The following ZNF827 variants were observed in gnomAD, a reference collection of about 807,000 sequenced individuals.
ZNF827 encodes zinc finger protein 827.
ZNF827 carries 13 observed loss-of-function variants against 102.4 expected under a neutral mutation model. The observed-to-expected ratio is 0.13, with a 90% CI of 0.08 to 0.20. The LOEUF (loss-of-function observed/expected upper bound fraction) is 0.20. Ranked by LOEUF, ZNF827 falls within the 10% of genes least tolerant of loss-of-function variation. The pLI is 1.00. For synonymous variants in ZNF827, 523 were observed against 536.2 expected, an observed-to-expected ratio of 0.98 and a Z score of 0.34; for missense variants, 1,103 against 1,344.4, an observed-to-expected ratio of 0.82 and a Z score of 2.81.
intron 9 of ZNF827, among the ~76,000 whole-genome samples, chr4:145,777,209 C>A (rs1014053334): frequency 6.6e-6 from 1 of 152,216 alleles, no homozygotes; most frequent in Non-Finnish European, 1.5e-5. Flanking sequence ...AGGAGCCCCA[C>A]TGTCCAGATA....
At chr4:145,832,051 C>T (rs1744264545) in intron 7 of ZNF827, 1 of 152,106 alleles carries the variant, frequency 6.6e-6, no homozygotes, top group Admixed American at 6.6e-5. Flanking sequence ...TCACTTGAGC[C>T]CAGGAATTCA....
chr4:145,775,752 G>A (rs1482085494), intron 10 of ZNF827, 37 bp downstream of exon 10: 7 of 1,611,760 alleles, frequency 4.3e-6, no homozygotes, highest in Non-Finnish European at 5.9e-6. Context: ...TCAAGAGTCT[G>A]AGAAAGGCGG....
chr4:145,870,710 A>AT, intron 4 of ZNF827: 1 of 439,572 alleles, frequency 2.3e-6, no homozygotes, highest in African/African-American at 1.9e-5. Context: ...ATATTTTAAG[A>AT]AGTGCTACCT....
intron 1 of ZNF827, among the ~76,000 whole-genome samples, chr4:145,910,332 T>C (rs1228761751): frequency 1.3e-5 from 2 of 152,188 alleles, no homozygotes; most frequent in Middle Eastern, 3.4e-3. Flanking sequence ...AGCCAGACCT[T>C]CCATGGCCGA....
At chr4:145,889,265 T>C (rs1025771157) in intron 3 of ZNF827, among the ~76,000 whole-genome samples, 2 of 152,242 alleles carry the variant, frequency 1.3e-5, no homozygotes, top group Non-Finnish European at 2.9e-5. Flanking sequence ...TTAATGTATA[T>C]TGAGATGGCT....
intron 1 of ZNF827, 96 bp downstream of exon 1, chr4:145,938,269 A>C: frequency 2.0e-6 from 3 of 1,473,320 alleles, no homozygotes; most frequent in Non-Finnish European, 2.9e-6. Context: ...GTAACCCTAA[A>C]CTAATGCAGA....
chr4:145,833,859 C>T (rs1482441078), intron 7 of ZNF827, among the ~76,000 whole-genome samples: 5 of 151,594 alleles, frequency 3.3e-5, no homozygotes, highest in African/African-American at 1.2e-4. Flanking sequence ...CATGCCCTGA[C>T]CTCTTATCTC....
intron 11 of ZNF827, among the ~76,000 whole-genome samples, chr4:145,767,475 A>G (rs1476195058): frequency 6.6e-6 from 1 of 152,180 alleles, no homozygotes; most frequent in East Asian, 1.9e-4. Flanking sequence ...AAAATTTTCC[A>G]AATTTGAGGA....
chr4:145,922,664 C>T (rs960299561), intron 1 of ZNF827, among the ~76,000 whole-genome samples: 4 of 152,188 alleles, frequency 2.6e-5, no homozygotes, highest in Admixed American at 6.5e-5. Flanking sequence ...CACCAAAGTA[C>T]GGTGGCTGTC....
chr4:145,848,514 T>C (rs144930921), intron 6 of ZNF827, among the ~76,000 whole-genome samples: 160 of 152,370 alleles, frequency 1.1e-3, no homozygotes, highest in African/African-American at 3.3e-3. Flanking sequence ...ACAGGCTTTA[T>C]TGATGGATAA....
intron 5 of ZNF827, among the ~76,000 whole-genome samples, chr4:145,864,291 T>G (rs1045055811): frequency 6.6e-6 from 1 of 151,564 alleles, no homozygotes; most frequent in Non-Finnish European, 1.5e-5. Context: ...TGGCCAGGCA[T>G]AGTAGCTCAC....
intron 1 of ZNF827, among the ~76,000 whole-genome samples, chr4:145,912,743 T>G (rs960012225): frequency 1.3e-5 from 2 of 152,052 alleles, no homozygotes; most frequent in Non-Finnish European, 2.9e-5. Context: ...GGGCGAGAGG[T>G]CTGGAACAGA....
chr4:145,878,105 T>C (rs1179000682), intron 4 of ZNF827, among the ~76,000 whole-genome samples: 1 of 152,202 alleles, frequency 6.6e-6, no homozygotes, highest in Non-Finnish European at 1.5e-5. Flanking sequence ...CTGACATTCT[T>C]ATTTACAGAT....
chr4:145,816,431 G>A (rs1434346633), intron 8 of ZNF827, among the ~76,000 whole-genome samples: 2 of 152,198 alleles, frequency 1.3e-5, no homozygotes, highest in African/African-American at 4.8e-5. Context: ...AAAAAAGTAT[G>A]CGTGTACTTT....
intron 8 of ZNF827, among the ~76,000 whole-genome samples, chr4:145,789,443 GGACT>G (rs1254691151): frequency 6.6e-6 from 1 of 152,060 alleles, no homozygotes; most frequent in Admixed American, 6.5e-5. Context: ...TATTTATGGA[GGACT>G]GACCACTGCA....
intron 6 of ZNF827, among the ~76,000 whole-genome samples, chr4:145,848,788 A>C (rs564011064): frequency 1.3e-5 from 2 of 152,326 alleles, no homozygotes; most frequent in South Asian, 2.1e-4. Context: ...TGTGCAGTAC[A>C]AAAAGTTGGT....
intron 1 of ZNF827, among the ~76,000 whole-genome samples, chr4:145,920,617 C>T (rs1156532641): frequency 6.6e-6 from 1 of 152,214 alleles, no homozygotes; most frequent in Non-Finnish European, 1.5e-5. Flanking sequence ...ATCGTTTTCT[C>T]ATTTTTGAAA....
At chr4:145,865,133 T>C (rs1026199885) in intron 5 of ZNF827, among the ~76,000 whole-genome samples, 1 of 152,120 alleles carries the variant, frequency 6.6e-6, no homozygotes, top group African/African-American at 2.4e-5. Context: ...CCAACATTGC[T>C]CAGGAATAAT....
At chr4:145,911,507 C>A (rs1271000746) in intron 1 of ZNF827, among the ~76,000 whole-genome samples, 2 of 152,140 alleles carry the variant, frequency 1.3e-5, no homozygotes, top group African/African-American at 4.8e-5. Flanking sequence ...GACCTATTAA[C>A]CCCACTTTCA....
Sources: allele counts gnomAD v4.1 joint callset (sites outside exome capture counted in the v4.1 genomes callset), GRCh38; gene constraint gnomAD v4.1.1; transcripts MANE v1.5; gene names NCBI Gene and HGNC (gene_info 2026-07-23, HGNC 2026-07-21).